CFAP54: variants seen among roughly 807,000 people sequenced by gnomAD.
CFAP54 encodes the protein cilia- and flagella-associated protein 54.
CFAP54 carries 290 observed loss-of-function variants against 370.4 expected under a neutral mutation model. The observed-to-expected ratio is 0.78, with a 90% confidence interval of 0.71 to 0.86. CFAP54 has a LOEUF of 0.86. Among genes scored for constraint, CFAP54 ranks in the 40% least tolerant of loss-of-function variants. The probability of loss-of-function intolerance (pLI) is 0.00; values close to 1 mark genes in which losing one functional copy is unlikely to be tolerated. For missense variants in CFAP54, 3,399 were observed against 3,528.7 expected, an observed-to-expected ratio of 0.96 and a Z score of 0.93; for synonymous variants, 1,206 against 1,236.5, an observed-to-expected ratio of 0.98 and a Z score of 0.52.
intron 50 of CFAP54, among the ~76,000 whole-genome samples, chr12:96,726,080 G>A (rs1434043946): frequency 2.7e-5 from 4 of 148,668 alleles, no homozygotes; most frequent in Non-Finnish European, 6.0e-5. Flanking sequence ...TGGTTTGCCA[G>A]TATTTTATTG....
intron 60 of CFAP54, among the ~76,000 whole-genome samples, chr12:96,777,032 C>T (rs1412086167): frequency 6.6e-6 from 1 of 152,168 alleles, no homozygotes; most frequent in Non-Finnish European, 1.5e-5. Flanking sequence ...TCAGTTGTTT[C>T]CCTGGAAGTC....
chr12:96,647,884 A>C lies in CFAP54; in HGVS notation c.4557A>C (p.Ser1519=). ...TTTTCCCCCCTTGCAGTTTCCGATC[A>C]TGTGATCCTAACATGTTTTCACTGT... The part of the protein sequence containing the change: ...GTSHMMVSFR[S]CDPNMFSLYN... Residue 1519 remains serine, a synonymous_variant, in exon 34 of 68, where the codon TCA becomes TCC. Transcript: ENST00000524981. 2 of 1,502,828 alleles carry C rather than the reference A, an allele frequency of 1.3e-6. No homozygotes were observed. Among genetic ancestry groups the C allele is most frequent in the Non-Finnish European group, 1.8e-6 (2 of 1,136,046 alleles). 93.1% of individuals were successfully genotyped at this position (1,502,828 alleles called of 1,614,324 possible). A position where few individuals can be genotyped will look rare whatever the true frequency, so the allele number is the denominator to read the frequency against.
chr12:96,849,195 A>T (rs11108717), intron 66 of CFAP54, among the ~76,000 whole-genome samples: 13,143 of 152,278 alleles, frequency 0.086, 745 homozygotes, highest in Admixed American at 0.15. Flanking sequence ...TGGTGGAGAA[A>T]CTCATATGTG....
chr12:96,632,267 A>G (rs1956617827), intron 32 of CFAP54, among the ~76,000 whole-genome samples: 1 of 151,996 alleles, frequency 6.6e-6, no homozygotes, highest in African/African-American at 2.4e-5. Context: ...AAGTTTTTTA[A>G]TAATTAATTC....
intron 14 of CFAP54, among the ~76,000 whole-genome samples, chr12:96,547,533 T>C (rs1192144029): frequency 6.6e-6 from 1 of 152,120 alleles, no homozygotes; most frequent in Non-Finnish European, 1.5e-5. Context: ...AAAGATGATA[T>C]TGACTTGTTG....
intron 36 of CFAP54, among the ~76,000 whole-genome samples, chr12:96,654,544 A>G (rs1316921537): frequency 1.3e-5 from 2 of 151,930 alleles, no homozygotes; most frequent in Admixed American, 6.6e-5. Context: ...AAAATTTGTT[A>G]TATGCATACA....
At chr12:96,594,153 C>T in intron 24 of CFAP54, 138 bp from the exon 25 acceptor site, 1 of 549,190 alleles carries the variant, frequency 1.8e-6, no homozygotes. Flanking sequence ...AGAGTTGTTT[C>T]TGAATTTAGA....
chr12:96,617,702 T>C (rs905174843), intron 26 of CFAP54, among the ~76,000 whole-genome samples: 1 of 152,124 alleles, frequency 6.6e-6, no homozygotes, highest in African/African-American at 2.4e-5. Context: ...AGAATATATT[T>C]ATCTGCGGGC....
intron 40 of CFAP54, among the ~76,000 whole-genome samples, chr12:96,681,987 T>C (rs1957278983): frequency 6.6e-6 from 1 of 152,144 alleles, no homozygotes; most frequent in African/African-American, 2.4e-5. Context: ...GATACTAAGT[T>C]TAAGGAAATA....
At position 96,680,813 on chromosome 12, in the gene CFAP54, G is replaced by A. The variant is rs367576652; in HGVS notation, c.5716+1061G>A. 4.6e-3 allele frequency among the ~76,000 whole-genome samples: 705 copies of A among 152,190 alleles called. 7 individuals are homozygous for A. Among genetic ancestry groups the A allele is most frequent in the Middle Eastern group, 0.017 (5 of 294 alleles). On this transcript the variant is annotated intron_variant, in intron 40 of 67. Coordinates refer to ENST00000524981, the MANE Select transcript of CFAP54 (RefSeq NM_001306084.2). ...CAATGGGTAAGGCTGACTGGGCGCCGTGGCTCACGCCTGTAATCCCAGCAC... is the reference window on the plus strand; with the variant it reads ...CAATGGGTAAGGCTGACTGGGCGCCATGGCTCACGCCTGTAATCCCAGCAC...
intron 2 of CFAP54, among the ~76,000 whole-genome samples, chr12:96,502,159 G>GGTC (rs1052221525): frequency 1.3e-5 from 2 of 152,012 alleles, no homozygotes; most frequent in African/African-American, 2.4e-5. Context: ...AAAGATGGCT[G>GGTC]GTAGCTAAGG....
At chr12:96,871,156 G>T (rs527670576) in intron 67 of CFAP54, among the ~76,000 whole-genome samples, 21 of 152,164 alleles carry the variant, frequency 1.4e-4, no homozygotes, top group Non-Finnish European at 2.2e-4. Context: ...ACAACACATG[G>T]ACATGATGAG....
At chr12:96,507,560 T>TAC (rs1303315790) in intron 4 of CFAP54, among the ~76,000 whole-genome samples, 3 of 61,626 alleles carry the variant, frequency 4.9e-5, no homozygotes, top group African/African-American at 1.1e-4. Context: ...CACACACACA[T>TAC]ACACACACAC....
At chr12:96,774,476 T>C (rs1958495603) in intron 60 of CFAP54, among the ~76,000 whole-genome samples, 1 of 152,166 alleles carries the variant, frequency 6.6e-6, no homozygotes, top group Non-Finnish European at 1.5e-5. Flanking sequence ...ATTTCTGTAC[T>C]TTTCTTTCCG....
chr12:96,816,811 C>G (rs1356763247), intron 64 of CFAP54, among the ~76,000 whole-genome samples: 2 of 152,190 alleles, frequency 1.3e-5, no homozygotes, highest in Non-Finnish European at 2.9e-5. Flanking sequence ...AACTGTAAGC[C>G]TTTTCACCTT....
chr12:96,681,692 C>T (rs1382264230), intron 40 of CFAP54, among the ~76,000 whole-genome samples: 4 of 151,918 alleles, frequency 2.6e-5, no homozygotes, highest in African/African-American at 7.3e-5. Context: ...CAGCCTCTGC[C>T]TCCTGGTTCA....
chr12:96,818,960 T>G (rs1959003566), intron 65 of CFAP54, among the ~76,000 whole-genome samples: 1 of 152,324 alleles, frequency 6.6e-6, no homozygotes, highest in Middle Eastern at 3.4e-3. Context: ...AAATTACCAT[T>G]TGTACCTTAA....
intron 51 of CFAP54, among the ~76,000 whole-genome samples, chr12:96,740,686 C>T (rs1592735779): frequency 1.3e-5 from 2 of 152,280 alleles, no homozygotes; most frequent in Middle Eastern, 3.4e-3. Context: ...ACTAATTGTC[C>T]TCAATAGAGA....
chr12:96,700,698 G>A (rs1257294916), intron 46 of CFAP54, among the ~76,000 whole-genome samples: 1 of 152,172 alleles, frequency 6.6e-6, no homozygotes, highest in Non-Finnish European at 1.5e-5. Flanking sequence ...AATTAAATCA[G>A]AGGGAGCTAT....
Sources: allele counts gnomAD v4.1 joint callset (sites outside exome capture counted in the v4.1 genomes callset), GRCh38; gene constraint gnomAD v4.1.1; transcripts MANE v1.5; gene names NCBI Gene and HGNC (gene_info 2026-07-23, HGNC 2026-07-21).